STX8: variants seen among roughly 807,000 people sequenced by gnomAD.
STX8 encodes the protein syntaxin 8, also known as syntaxin-8.
In STX8, 23 loss-of-function variants were observed where a neutral mutation model predicts 37.5. The observed-to-expected ratio is 0.61, with a 90% CI of 0.44 to 0.87. The LOEUF (loss-of-function observed/expected upper bound fraction) is 0.87. STX8 is among the 40% of genes least tolerant of loss of function. The pLI, the probability that STX8 is intolerant of heterozygous loss-of-function variation, is 0.00. For missense variants in STX8, 313 were observed against 284.7 expected (o/e 1.10, Z -0.71); for synonymous variants, 115 against 99.1 (o/e 1.16, Z -0.95).
intron 7 of STX8, among the ~76,000 whole-genome samples, chr17:9,297,828 TAGTG>T (rs1199612159): frequency 2.0e-5 from 3 of 152,140 alleles, no homozygotes; most frequent in Non-Finnish European, 2.9e-5. Flanking sequence ...CTAGGTGATA[TAGTG>T]AGTGTCTGTC....
chr17:9,467,632 C>G (rs1024043955), intron 6 of STX8, among the ~76,000 whole-genome samples: 2 of 152,176 alleles, frequency 1.3e-5, no homozygotes, highest in Non-Finnish European at 2.9e-5. Context: ...GTGACCAAAC[C>G]ATGGCTTCCA....
chr17:9,317,715 G>A (rs1381840013), intron 7 of STX8, among the ~76,000 whole-genome samples: 3 of 151,336 alleles, frequency 2.0e-5, no homozygotes, highest in East Asian at 1.9e-4. Context: ...GCAGTGAGCC[G>A]AGATTGCACC....
intron 6 of STX8, among the ~76,000 whole-genome samples, chr17:9,446,796 AGAGT>A (rs1325610805): frequency 1.3e-5 from 2 of 152,194 alleles, no homozygotes; most frequent in African/African-American, 4.8e-5. Flanking sequence ...TTTCCCACTG[AGAGT>A]GAGACAGAAG....
At chr17:9,487,060 A>G (rs1906629429) in intron 6 of STX8, among the ~76,000 whole-genome samples, 1 of 152,090 alleles carries the variant, frequency 6.6e-6, no homozygotes, top group East Asian at 1.9e-4. Context: ...TTAACTGCTG[A>G]TCCATTTCCT....
At chr17:9,329,923 A>T (rs1326594182) in intron 7 of STX8, among the ~76,000 whole-genome samples, 1 of 152,086 alleles carries the variant, frequency 6.6e-6, no homozygotes, top group African/African-American at 2.4e-5. Flanking sequence ...CTAGGGTCAG[A>T]TTGGAAGCAG....
chr17:9,503,308 T>G (rs563747261), intron 5 of STX8, among the ~76,000 whole-genome samples: 133 of 152,234 alleles, frequency 8.7e-4, no homozygotes, highest in South Asian at 1.7e-3. Context: ...TGTCTGGGCA[T>G]GGCAGGGAGG....
intron 7 of STX8, among the ~76,000 whole-genome samples, chr17:9,345,799 G>A (rs1027860369): frequency 5.1e-5 from 7 of 136,498 alleles, no homozygotes; most frequent in East Asian, 2.2e-4. Flanking sequence ...GAAATGTTTC[G>A]AACTTTGGAT....
At chr17:9,396,566 C>T (rs1004866828) in intron 6 of STX8, among the ~76,000 whole-genome samples, 9 of 151,846 alleles carry the variant, frequency 5.9e-5, no homozygotes, top group Admixed American at 2.6e-4. Context: ...CAAAATTAGC[C>T]GGGCATGGTG....
At chr17:9,311,557 G>A (rs1909189058) in intron 7 of STX8, among the ~76,000 whole-genome samples, 1 of 152,116 alleles carries the variant, frequency 6.6e-6, no homozygotes, top group Non-Finnish European at 1.5e-5. Context: ...CATATATCTT[G>A]GCATCCCTAT....
intron 7 of STX8, among the ~76,000 whole-genome samples, chr17:9,313,256 T>C (rs780642391): frequency 6.6e-6 from 1 of 152,004 alleles, no homozygotes; most frequent in Non-Finnish European, 1.5e-5. Context: ...TCAAGGAACA[T>C]GGGTGGGTGA....
At chr17:9,267,268 C>T (rs1221859978) in intron 7 of STX8, among the ~76,000 whole-genome samples, 1 of 152,198 alleles carries the variant, frequency 6.6e-6, no homozygotes, top group Non-Finnish European at 1.5e-5. Flanking sequence ...TCAGAGCCAT[C>T]ATGGAGACAA....
rs890010970 is a variant in STX8 at position 9,538,863 on chromosome 17, G to GT, written c.323+6308dup. On this transcript the variant is annotated intron_variant, in intron 4 of 7. Coordinates refer to ENST00000306357, the MANE Select transcript of STX8 (RefSeq NM_004853.3). ...AGCAGTGGAGTATGCAATGGTTTTG[G>GT]TTTTTTTTTTTCTCTTTACAGGCAA... Among the ~76,000 whole-genome samples the GT allele has an allele frequency of 2.9e-3, 422 of 146,970 alleles. 1 individual carries two copies. Among genetic ancestry groups the GT allele is most frequent in the African/African-American group, 8.2e-3 (332 of 40,286 alleles).
chr17:9,298,163 CT>C (rs1908634637), intron 7 of STX8, among the ~76,000 whole-genome samples: 2 of 28,318 alleles, frequency 7.1e-5, no homozygotes, highest in Non-Finnish European at 1.4e-4. Flanking sequence ...AAAGCACACT[CT>C]GTTTCTGACG....
intron 3 of STX8, among the ~76,000 whole-genome samples, chr17:9,549,769 G>C (rs1297476850): frequency 6.6e-6 from 1 of 152,164 alleles, no homozygotes; most frequent in East Asian, 1.9e-4. Context: ...TGAACCATCT[G>C]CATAGCACCC....
At chr17:9,383,138 T>C (rs1911877941) in intron 6 of STX8, among the ~76,000 whole-genome samples, 1 of 152,202 alleles carries the variant, frequency 6.6e-6, no homozygotes. Flanking sequence ...ACCAGATCTG[T>C]AGGCACCTTG....
In STX8 at chr17:9,307,124, A is replaced by AAAATAAATAAATAAAGTAAGT. The variant is rs1380494493; in HGVS notation, c.644-56500_644-56480dup. ...GGGACAGAGCAAGACTCCGTCTCAA[A>AAAATAAATAAATAAAGTAAGT]AAATAAATAAATAAAGTAAGTAAAT... is the stretch of plus-strand genomic sequence containing the variant. On this transcript the variant is annotated intron_variant, in intron 7 of 7. Coordinates refer to ENST00000306357, the MANE Select transcript of STX8 (RefSeq NM_004853.3). 9.8e-5 allele frequency among the ~76,000 whole-genome samples: 15 copies of AAAATAAATAAATAAAGTAAGT among 152,318 alleles called. 1 individual carries two copies. Among genetic ancestry groups the AAAATAAATAAATAAAGTAAGT allele is most frequent in the African/African-American group, 3.4e-4 (14 of 41,564 alleles).
chr17:9,550,262 C>T (rs1906712821), intron 3 of STX8, among the ~76,000 whole-genome samples: 1 of 150,540 alleles, frequency 6.6e-6, no homozygotes, highest in African/African-American at 2.4e-5. Flanking sequence ...AGTCAGTGGC[C>T]AGTGCTGGGG....
At chr17:9,251,254 C>T (rs1421918831) in intron 7 of STX8, among the ~76,000 whole-genome samples, 1 of 152,222 alleles carries the variant, frequency 6.6e-6, no homozygotes, top group Non-Finnish European at 1.5e-5. Context: ...CTCTGCCTTC[C>T]AGCCCCGCCC....
At chr17:9,421,877 G>C (rs1449723365) in intron 6 of STX8, among the ~76,000 whole-genome samples, 2 of 152,064 alleles carry the variant, frequency 1.3e-5, no homozygotes, top group Non-Finnish European at 2.9e-5. Context: ...CCCCCATGCT[G>C]TTCCAATCGA....
Sources: allele counts gnomAD v4.1 joint callset (sites outside exome capture counted in the v4.1 genomes callset), GRCh38; gene constraint gnomAD v4.1.1; transcripts MANE v1.5; gene names NCBI Gene and HGNC (gene_info 2026-07-23, HGNC 2026-07-21).